The following ARID1A variants were observed in gnomAD, a reference collection of about 807,000 sequenced individuals.
The protein encoded by ARID1A is AT-rich interactive domain-containing protein 1A.
A neutral mutation model predicts 212.6 loss-of-function variants in ARID1A; 20 were observed. The observed-to-expected ratio is 0.09, with a 90% confidence interval of 0.07 to 0.14. The LOEUF (loss-of-function observed/expected upper bound fraction) is 0.14. Ranked by LOEUF, ARID1A falls within the 10% of genes least tolerant of loss-of-function variation. The probability of loss-of-function intolerance (pLI) is 1.00; values close to 1 mark genes in which losing one functional copy is unlikely to be tolerated. For synonymous variants in ARID1A, 1,376 were observed against 1,222.1 expected (o/e 1.13, Z -2.63); for missense variants, 2,587 against 3,059.0 (o/e 0.85, Z 3.64).
chr1:26,703,318 G>A (rs887877208), intron 1 of ARID1A, among the ~76,000 whole-genome samples: 14 of 152,186 alleles, frequency 9.2e-5, no homozygotes, highest in African/African-American at 2.4e-4. Flanking sequence ...TATGGAAGAA[G>A]AAGAAGAATC....
At chr1:26,708,570 C>T (rs933945624) in intron 1 of ARID1A, among the ~76,000 whole-genome samples, 1 of 151,964 alleles carries the variant, frequency 6.6e-6, no homozygotes, top group African/African-American at 2.4e-5. Context: ...AGGTGCGAGC[C>T]ACCGCACCCA....
At chr1:26,740,254 G>C (rs2080775091) in intron 4 of ARID1A, among the ~76,000 whole-genome samples, 3 of 152,100 alleles carry the variant, frequency 2.0e-5, no homozygotes, top group Admixed American at 6.6e-5. Context: ...TGAACTCTTG[G>C]GTCCATGATT....
rs781038652 is a variant in ARID1A, at chr1:26,779,692, G to T, written c.5794G>T (p.Ala1932Ser). Residue 1932 changes from alanine (A) to serine (S), a missense_variant, in exon 20 of 20, where the codon GCC (alanine) becomes TCC (serine). Ala to Ser is a moderately conservative substitution (Grantham distance 99). Transcript: ENST00000324856. ...LTEDGAKSSE[A>S]IKESSKFPFG... The stretch of plus-strand genomic sequence containing the variant: ...CGAGGATGGAGCTAAGAGTTCAGAG[G>T]CCATCAAGGAGAGCAGCAAGTTTCC... 4 of 1,613,976 alleles carry T rather than the reference G, an allele frequency of 2.5e-6. No individual in the cohort carries two copies. In the African/African-American group the frequency reaches 4.0e-5, roughly 16 times the overall value.
rs2124126188 is a variant in ARID1A, at chr1:26,775,585, G to C, written c.5002G>C (p.Glu1668Gln). The part of the protein sequence containing the change: ...RLTMKDIGTP[E>Q]AWRVMMSLKS... ...ATGGAGGTTTATTTCAGGAACCCCG[G>C]AGGCATGGCGGGTAATGATGTCCCT... Residue 1668 changes from glutamate to glutamine, a missense_variant, in exon 19 of 20, where the codon GAG becomes CAG. Coordinates refer to ENST00000324856, the MANE Select transcript of ARID1A (RefSeq NM_006015.6). The C allele has an allele frequency of 6.2e-7, 1 of 1,614,126 alleles. No homozygotes were observed. The highest frequency in any genetic ancestry group is 1.1e-5 in the South Asian group (1 of 91,084).
At chr1:26,755,170 A>G (rs1166563730) in intron 4 of ARID1A, among the ~76,000 whole-genome samples, 2 of 152,200 alleles carry the variant, frequency 1.3e-5, no homozygotes, top group Non-Finnish European at 2.9e-5. Context: ...GACTTGTAGA[A>G]AATTGGGTAA....
intron 7 of ARID1A, 26 bp from the exon 8 acceptor site, chr1:26,762,947 C>T (rs2081006023): frequency 6.4e-7 from 1 of 1,550,918 alleles, no homozygotes; most frequent in Non-Finnish European, 8.8e-7. Flanking sequence ...AGTGACTAAC[C>T]AAGTCTTGTC....
At chr1:26,760,566 G>A (rs2080981718) in intron 4 of ARID1A, among the ~76,000 whole-genome samples, 1 of 152,066 alleles carries the variant, frequency 6.6e-6, no homozygotes, top group Non-Finnish European at 1.5e-5. Flanking sequence ...GTGCTTGCCT[G>A]TAATCCCAGC....
chr1:26,770,765 CAAAA>C (rs2081076369), intron 11 of ARID1A: 1 of 222,734 alleles, frequency 4.5e-6, no homozygotes. Context: ...TTTTCTGTCT[CAAAA>C]ATAAATAAAT....
chr1:26,781,410 C>G lies in ARID1A; in HGVS notation c.*654C>G, dbSNP rs2081194150. 1 of 232,632 alleles carries G rather than the reference C, an allele frequency of 4.3e-6. No homozygotes were observed. The allele number at this position is 232,632 out of a possible 1,614,324, so 14.4% of individuals were successfully genotyped here. A position where few individuals can be genotyped will look rare whatever the true frequency, so the allele number is the denominator to read the frequency against. ...CACATGGAAACAGAAAACGCTGGGTCAGCAGCAAGCTGTAGTTTTTAAAAA... is the reference window on the plus strand; with the variant it reads ...CACATGGAAACAGAAAACGCTGGGTGAGCAGCAAGCTGTAGTTTTTAAAAA... On this transcript the variant is annotated 3_prime_UTR_variant, in exon 20 of 20. Coordinates refer to ENST00000324856, the MANE Select transcript of ARID1A (RefSeq NM_006015.6).
At chr1:26,756,516 A>G (rs1019366296) in intron 4 of ARID1A, among the ~76,000 whole-genome samples, 10 of 150,510 alleles carry the variant, frequency 6.6e-5, no homozygotes, top group African/African-American at 2.2e-4. Context: ...AGATTATACC[A>G]CTGCCCTCCA....
chr1:26,775,179 C>T lies in ARID1A; in HGVS notation c.4952C>T (p.Pro1651Leu), dbSNP rs1570617020. ...CCTGGCTCTGTTGAAGCCACACAGC[C>T]TGTGTTGAAGCAGAGGAGGCGGCTC... is the stretch of plus-strand genomic sequence containing the variant. ...FPPGSVEATQPVLKQRRRLTM... is the reference protein window; with the variant it reads ...FPPGSVEATQLVLKQRRRLTM... Residue 1651 changes from proline (P) to leucine (L), a missense_variant, in exon 18 of 20, where the codon CCT becomes CTT. Physicochemically the swap from Pro to Leu is moderately conservative, Grantham distance 98. This residue lies in a region of ARID1A where 890 missense variants were observed against 1,098.2 expected (regional missense o/e 0.81). Transcript: ENST00000324856. The T allele has an allele frequency of 6.2e-7, 1 of 1,607,122 alleles. No individual in the cohort carries two copies. The highest frequency in any genetic ancestry group is 2.2e-5 in the East Asian group (1 of 44,832).
chr1:26,777,666 C>T (rs1158675348), intron 19 of ARID1A, among the ~76,000 whole-genome samples: 1 of 152,162 alleles, frequency 6.6e-6, no homozygotes, highest in Non-Finnish European at 1.5e-5. Context: ...GGTGCAGTGG[C>T]TCACGCCTGT....
intron 4 of ARID1A, among the ~76,000 whole-genome samples, chr1:26,743,367 T>C (rs991999617): frequency 6.6e-5 from 10 of 152,136 alleles, no homozygotes; most frequent in African/African-American, 2.4e-4. Context: ...TGCTGGTACC[T>C]CTGCTTGAAC....
rs1027017642 is a variant in ARID1A, at chr1:26,707,185, C to T, written c.1137+9645C>T. 2.2e-3 allele frequency among the ~76,000 whole-genome samples: 328 copies of T among 151,190 alleles called. 5 individuals are homozygous for T. Among genetic ancestry groups the T allele is most frequent in the Middle Eastern group, 3.4e-3 (1 of 290 alleles). On this transcript the variant is annotated intron_variant, in intron 1 of 19. Transcript: ENST00000324856. ...AGTAGCTGGGACTACAGGCATGCGC[C>T]ACCGCGGCTGGCTAATTTTTTTTTT...
intron 1 of ARID1A, among the ~76,000 whole-genome samples, chr1:26,704,389 TC>T (rs1343620640): frequency 2.9e-4 from 44 of 152,230 alleles, no homozygotes; most frequent in African/African-American, 9.2e-4. Context: ...AGTTGACCTT[TC>T]TTAAAACAAG....
chr1:26,722,099 G>C (rs138412084), intron 1 of ARID1A, among the ~76,000 whole-genome samples: 1 of 152,194 alleles, frequency 6.6e-6, no homozygotes, highest in Non-Finnish European at 1.5e-5. Context: ...GGTTGCAAGC[G>C]CCTTCCTGGA....
At chr1:26,719,808 ACAT>A (rs2080542853) in intron 1 of ARID1A, among the ~76,000 whole-genome samples, 1 of 148,870 alleles carries the variant, frequency 6.7e-6, no homozygotes, top group African/African-American at 2.5e-5. Context: ...GGGCATGGTG[ACAT>A]GCGCCTGTAA....
chr1:26,749,397 C>T (rs1324526087), intron 4 of ARID1A, among the ~76,000 whole-genome samples: 2 of 152,088 alleles, frequency 1.3e-5, no homozygotes, highest in Middle Eastern at 3.4e-3. Flanking sequence ...CGGCGGGGAG[C>T]GACAGGGGAA....
chr1:26,774,304 T>G lies in ARID1A; in HGVS notation c.4102-25T>G. ...TGTCCCTGAGTGCAGAGTATTAACT[T>G]CCCCTCTGCTTGTCTCTGCCTTAGA... On this transcript the variant is annotated intron_variant, in intron 17 of 19. Coordinates refer to ENST00000324856, the MANE Select transcript of ARID1A (RefSeq NM_006015.6). This position sits in a 1 kb window ranked among gnomAD's most constrained non-coding sequence, Gnocchi z 5.6. The G allele has an allele frequency of 6.6e-7, 1 of 1,521,250 alleles. No individual in the cohort carries two copies. Among genetic ancestry groups the G allele is most frequent in the Non-Finnish European group, 8.8e-7 (1 of 1,134,592 alleles). The allele number at this position is 1,521,250 out of a possible 1,614,324, so 94.2% of individuals were successfully genotyped here. A position where few individuals can be genotyped will look rare whatever the true frequency, so the allele number is the denominator to read the frequency against.
Sources: allele counts gnomAD v4.1 joint callset (sites outside exome capture counted in the v4.1 genomes callset), GRCh38; gene constraint gnomAD v4.1.1; regional missense constraint gnomAD v4.1.1; non-coding constraint Gnocchi (gnomAD v3.1); transcripts MANE v1.5; gene names NCBI Gene and HGNC (gene_info 2026-07-23, HGNC 2026-07-21).